BCR: variants seen among roughly 807,000 people sequenced by gnomAD.
The protein encoded by BCR is BCR activator of RhoGEF and GTPase, also known as breakpoint cluster region protein.
A neutral mutation model predicts 138.6 loss-of-function variants in BCR; 58 were observed. The ratio of observed to expected loss-of-function variants is 0.42; its 90% CI spans 0.34 to 0.52. BCR has a LOEUF of 0.52. Ranked by LOEUF, BCR falls within the 20% of genes least tolerant of loss-of-function variation. The pLI, the probability that BCR is intolerant of heterozygous loss-of-function variation, is 0.06. For missense variants in BCR, 1,599 were observed against 1,727.2 expected (o/e 0.93, Z 1.32); for synonymous variants, 786 against 730.1 (o/e 1.08, Z -1.23).
chr22:23,311,859 C>T (rs373183828), intron 19 of BCR, 23 bp downstream of exon 19: 28 of 1,610,990 alleles, frequency 1.7e-5, no homozygotes, highest in South Asian at 1.5e-4. Flanking sequence ...CTGCGCAGGA[C>T]GGGATGGAGG....
chr22:23,286,498 G>T (rs1387554279), intron 10 of BCR, among the ~76,000 whole-genome samples: 1 of 152,216 alleles, frequency 6.6e-6, no homozygotes, highest in African/African-American at 2.4e-5. Context: ...CCAGGGTAGG[G>T]TGTCCCCACA....
chr22:23,276,772 G>A (rs1028266335), intron 8 of BCR, among the ~76,000 whole-genome samples: 6 of 150,050 alleles, frequency 4.0e-5, no homozygotes, highest in African/African-American at 9.9e-5. Context: ...ACTGCCCAAC[G>A]GGTTTGCAGT....
chr22:23,254,048 C>A, intron 2 of BCR, 68 bp downstream of exon 2: 1 of 1,501,698 alleles, frequency 6.7e-7, no homozygotes, highest in South Asian at 1.3e-5. Context: ...GCCCCATGCT[C>A]AGGGGTATGT....
At chr22:23,184,912 C>G (rs1295763572) in intron 1 of BCR, among the ~76,000 whole-genome samples, 1 of 151,802 alleles carries the variant, frequency 6.6e-6, no homozygotes, top group Non-Finnish European at 1.5e-5. Flanking sequence ...AGGAAAATCA[C>G]TCATGGGGGT....
intron 1 of BCR, among the ~76,000 whole-genome samples, chr22:23,223,712 C>A (rs1312128407): frequency 6.6e-6 from 1 of 152,158 alleles, no homozygotes; most frequent in African/African-American, 2.4e-5. Context: ...AGGTGAGTCT[C>A]CCACCCTCCC....
chr22:23,273,559 G>A (rs1602090733), intron 7 of BCR, 75 bp from the exon 8 acceptor site: 1 of 1,595,234 alleles, frequency 6.3e-7, no homozygotes, highest in African/African-American at 1.3e-5. Flanking sequence ...TCCACACTTT[G>A]TGTCTGCACT....
chr22:23,280,949 G>A (rs1308686875), intron 8 of BCR, among the ~76,000 whole-genome samples: 1 of 152,226 alleles, frequency 6.6e-6, no homozygotes, highest in African/African-American at 2.4e-5. Flanking sequence ...CACAGGACAT[G>A]CCCTTGCATG....
intron 1 of BCR, among the ~76,000 whole-genome samples, chr22:23,184,559 C>T (rs1443936891): frequency 6.6e-6 from 1 of 152,114 alleles, no homozygotes; most frequent in Non-Finnish European, 1.5e-5. Flanking sequence ...CCCTACACCC[C>T]CACAGCCTCC....
chr22:23,290,512 T>C, intron 14 of BCR, 99 bp downstream of exon 14: 1 of 1,239,054 alleles, frequency 8.1e-7, no homozygotes. Flanking sequence ...GGGAGGTTGT[T>C]CAGATGACCA....
At chr22:23,196,951 T>C (rs549501469) in intron 1 of BCR, among the ~76,000 whole-genome samples, 32 of 152,330 alleles carry the variant, frequency 2.1e-4, no homozygotes, top group African/African-American at 6.7e-4. Context: ...CCCTTGGGGA[T>C]CCCAGAATCC....
chr22:23,314,378 G>C (rs184041374), intron 21 of BCR, among the ~76,000 whole-genome samples, 174 bp from the exon 22 acceptor site: 9 of 152,178 alleles, frequency 5.9e-5, no homozygotes, highest in African/African-American at 1.7e-4. Flanking sequence ...CCAGCCCAGA[G>C]CTGGCTCCTT....
At chr22:23,232,084 G>A (rs1186496189) in intron 1 of BCR, among the ~76,000 whole-genome samples, 3 of 152,216 alleles carry the variant, frequency 2.0e-5, no homozygotes, top group Non-Finnish European at 4.4e-5. Flanking sequence ...CTAATTTTCT[G>A]TTGCTTTCTT....
chr22:23,230,052 C>CTT lies in BCR; in HGVS notation c.1280-23736_1280-23735dup, dbSNP rs3054871. Among the ~76,000 whole-genome samples the CTT allele has an allele frequency of 7.8e-3, 1,139 of 145,896 alleles. 12 individuals carry two copies. The highest frequency in any genetic ancestry group is 7.6e-3 in the East Asian group (38 of 5,014). ...AGAGAGCAAGCTTTTCTGTTTGGTT[C>CTT]TTTTTTTTTTTTCCTCTTGTCTGTG... On this transcript the variant is annotated intron_variant, in intron 1 of 22. Transcript: ENST00000305877.
rs538348241 is a variant in BCR at position 23,242,918 on chromosome 22, C to T, written c.1280-10881C>T. 184 of 455,610 alleles carry T rather than the reference C, an allele frequency of 4.0e-4. 2 individuals carry two copies. The Admixed American group carries it at 4.3e-3, about 11-fold the overall frequency. The allele number at this position is 455,610 out of a possible 1,614,324, so 28.2% of individuals were successfully genotyped here. A position where few individuals can be genotyped will look rare whatever the true frequency, so the allele number is the denominator to read the frequency against. On this transcript the variant is annotated intron_variant, in intron 1 of 22. Transcript: ENST00000305877. ...CCTTTCTGTTCCCAGCATCTGATGG[C>T]CCACGGCATTCCTCGACCTGGTGAC...
At chr22:23,308,630 G>A in intron 16 of BCR, among the ~76,000 whole-genome samples, 3 of 152,210 alleles carry the variant, frequency 2.0e-5, no homozygotes, top group Admixed American at 2.0e-4. Context: ...TAACAAGATG[G>A]TACTGCTCAT....
intron 2 of BCR, chr22:23,254,576 C>CG (rs752494091): frequency 4.4e-4 from 228 of 518,966 alleles, no homozygotes; most frequent in Non-Finnish European, 5.0e-4. Flanking sequence ...CACGCCCCCC[C>CG]TCACATGAGA....
At chr22:23,314,451 C>T (rs1323473866) in intron 21 of BCR, 101 bp from the exon 22 acceptor site, 43 of 1,352,480 alleles carry the variant, frequency 3.2e-5, no homozygotes, top group Non-Finnish European at 4.0e-5. Flanking sequence ...CAGCCAGGGT[C>T]GAGGTCACTC....
At chr22:23,237,820 A>G (rs1337195270) in intron 1 of BCR, among the ~76,000 whole-genome samples, 2 of 152,226 alleles carry the variant, frequency 1.3e-5, no homozygotes, top group African/African-American at 4.8e-5. Context: ...GAGCAGATAC[A>G]TGGCTCTGCC....
intron 1 of BCR, among the ~76,000 whole-genome samples, chr22:23,216,731 G>C (rs1029908659): frequency 6.6e-6 from 1 of 152,236 alleles, no homozygotes; most frequent in South Asian, 2.1e-4. Flanking sequence ...TTTGACTGCC[G>C]CTGGCATCCG....
Sources: allele counts gnomAD v4.1 joint callset (sites outside exome capture counted in the v4.1 genomes callset), GRCh38; gene constraint gnomAD v4.1.1; transcripts MANE v1.5; gene names NCBI Gene and HGNC (gene_info 2026-07-23, HGNC 2026-07-21).